SLC37A2: variants seen among roughly 807,000 people sequenced by gnomAD.
SLC37A2 encodes glucose-6-phosphate exchanger SLC37A2.
In SLC37A2, 59 loss-of-function variants were observed where a neutral mutation model predicts 70.7. The observed-to-expected ratio is 0.83, with a 90% CI of 0.68 to 1.04. SLC37A2 has a LOEUF of 1.04. SLC37A2 is among the 50% of genes least tolerant of loss of function. The pLI is 0.00. For missense variants in SLC37A2, 580 were observed against 658.1 expected, an observed-to-expected ratio of 0.88 and a Z score of 1.30; for synonymous variants, 257 against 262.1, an observed-to-expected ratio of 0.98 and a Z score of 0.19.
At position 125,082,138 on chromosome 11, in the gene SLC37A2, G is replaced by A. The variant is rs1949157528; in HGVS notation, c.886-106G>A. On this transcript the variant is annotated intron_variant, in intron 9 of 17. Coordinates refer to ENST00000403796, the MANE Select transcript of SLC37A2 (RefSeq NM_001145290.2). ...GGATGTGTTGGAGGCTGCCTTGTGT[G>A]GCAGGTGATGGAAAGTACTGGGGTG... 25 of 1,144,994 alleles carry A rather than the reference G, an allele frequency of 2.2e-5. No individual in the cohort carries two copies. The South Asian group carries it at 3.1e-4, about 14-fold the overall frequency. 70.9% of individuals were successfully genotyped at this position (1,144,994 alleles called of 1,614,324 possible). A position where few individuals can be genotyped will look rare whatever the true frequency, so the allele number is the denominator to read the frequency against.
At chr11:125,079,616 G>A (rs759266700) in intron 5 of SLC37A2, 68 bp from the exon 6 acceptor site, 1 of 1,274,620 alleles carries the variant, frequency 7.8e-7, no homozygotes, top group South Asian at 1.3e-5. Context: ...TCAGCCCAGG[G>A]TGGTCAGAGC....
chr11:125,075,593 A>G (rs530626637), intron 1 of SLC37A2, among the ~76,000 whole-genome samples: 1 of 152,358 alleles, frequency 6.6e-6, no homozygotes, highest in African/African-American at 2.4e-5. Context: ...GAGCAACTTC[A>G]GTCTCTCAAG....
chr11:125,088,266 A>T lies in SLC37A2; in HGVS notation c.*132A>T. ...TATTGAACATTAGCCAGCCCAGCCCAGACCCCAGGGCTGCCTAAGGACACA... is the reference window on the plus strand; with the variant it reads ...TATTGAACATTAGCCAGCCCAGCCCTGACCCCAGGGCTGCCTAAGGACACA... On this transcript the variant is annotated 3_prime_UTR_variant, in exon 18 of 18. Transcript: ENST00000403796. 8 of 1,041,304 alleles carry T rather than the reference A, an allele frequency of 7.7e-6. No individual in the cohort carries two copies. Among genetic ancestry groups the T allele is most frequent in the South Asian group, 1.4e-5 (1 of 69,510 alleles). The allele number at this position is 1,041,304 out of a possible 1,614,324, so 64.5% of individuals were successfully genotyped here. A position where few individuals can be genotyped will look rare whatever the true frequency, so the allele number is the denominator to read the frequency against.
intron 9 of SLC37A2, 43 bp downstream of exon 9, chr11:125,081,949 A>G: frequency 3.2e-6 from 5 of 1,557,324 alleles, no homozygotes; most frequent in Non-Finnish European, 4.3e-6. Flanking sequence ...GGCTTTCCAG[A>G]TTTTTTCTGT....
At position 125,088,518 on chromosome 11, in the gene SLC37A2, A is replaced by T; in HGVS notation, c.*384A>T. ...ATCTCTCCTTCCCATGTTAAGCTTT[A>T]ACCTCTGTAATCTGCCTGTATCTAT... On this transcript the variant is annotated 3_prime_UTR_variant, in exon 18 of 18. Coordinates refer to ENST00000403796, the MANE Select transcript of SLC37A2 (RefSeq NM_001145290.2). 1 of 200,228 alleles carries T rather than the reference A, an allele frequency of 5.0e-6. No homozygotes were observed. The allele number at this position is 200,228 out of a possible 1,614,324, so 12.4% of individuals were successfully genotyped here.
At chr11:125,066,145 C>T (rs184350136) in intron 1 of SLC37A2, among the ~76,000 whole-genome samples, 3 of 152,352 alleles carry the variant, frequency 2.0e-5, no homozygotes, top group East Asian at 1.9e-4. Flanking sequence ...TCCACTAGTA[C>T]GTTCTTAATG....
chr11:125,085,155 T>A lies in SLC37A2; in HGVS notation c.1248+16T>A. The A allele has an allele frequency of 6.2e-7, 1 of 1,612,050 alleles. No individual in the cohort carries two copies. The highest frequency in any genetic ancestry group is 2.2e-5 in the East Asian group (1 of 44,882). ...TGCTGATCTGGTGAGTGGGGCCACC[T>A]CCCGAGGGCCAGGGACCGTTCTGGG... On this transcript the variant is annotated intron_variant, in intron 14 of 17. Transcript: ENST00000403796.
intron 12 of SLC37A2, 151 bp downstream of exon 12, chr11:125,084,470 C>T (rs934055436): frequency 1.2e-5 from 10 of 834,448 alleles, no homozygotes; most frequent in South Asian, 9.8e-5. Context: ...GGAGGAGAAG[C>T]GAGGGTCAGC....
At chr11:125,074,642 G>A (rs1051478723) in intron 1 of SLC37A2, among the ~76,000 whole-genome samples, 3 of 152,046 alleles carry the variant, frequency 2.0e-5, no homozygotes, top group African/African-American at 7.2e-5. Flanking sequence ...AGGGGAAAGG[G>A]TGCTGGCAGC....
intron 1 of SLC37A2, among the ~76,000 whole-genome samples, chr11:125,064,768 G>C (rs539657471): frequency 3.3e-5 from 5 of 152,112 alleles, no homozygotes; most frequent in African/African-American, 4.8e-5. Context: ...TGTTATAATC[G>C]GTTCAAAAGA....
In SLC37A2 at chr11:125,063,872, C is replaced by T. The variant is rs546386370; in HGVS notation, c.59+446C>T. Among the ~76,000 whole-genome samples the T allele has an allele frequency of 1.3e-5, 2 of 152,294 alleles. No homozygotes were observed. Among genetic ancestry groups the T allele is most frequent in the East Asian group, 1.9e-4 (1 of 5,166 alleles). On this transcript the variant is annotated intron_variant, in intron 1 of 17. Coordinates refer to ENST00000403796, the MANE Select transcript of SLC37A2 (RefSeq NM_001145290.2). The surrounding 1 kb of genome is among the most constrained non-coding windows in gnomAD (Gnocchi z 5.4). ...GAGTGTCCCTCTTGGTCTCCTTTAG[C>T]CCTCGAACACCAAGGCCAGAACTCA...
intron 16 of SLC37A2, 57 bp from the exon 17 acceptor site, chr11:125,085,897 A>C (rs1448828730): frequency 6.6e-7 from 1 of 1,511,788 alleles, no homozygotes; most frequent in African/African-American, 1.4e-5. Context: ...GGTGCTGGGC[A>C]CTCAGTGCTC....
chr11:125,079,808 G>A, intron 6 of SLC37A2, 48 bp downstream of exon 6: 2 of 1,432,960 alleles, frequency 1.4e-6, no homozygotes, highest in Non-Finnish European at 1.9e-6. Flanking sequence ...GAGGGCTGGG[G>A]GTCCTGAGCT....
intron 17 of SLC37A2, chr11:125,086,280 C>CCA (rs1949214452): frequency 6.3e-7 from 1 of 1,583,974 alleles, no homozygotes; most frequent in Non-Finnish European, 8.7e-7. Flanking sequence ...TACTTCGAGT[C>CCA]TGTGACTCGA....
At chr11:125,073,477 A>G (rs983406409) in intron 1 of SLC37A2, among the ~76,000 whole-genome samples, 1 of 152,204 alleles carries the variant, frequency 6.6e-6, no homozygotes, top group African/African-American at 2.4e-5. Flanking sequence ...CCCCTAACAG[A>G]GCAGTGTGGG....
intron 1 of SLC37A2, among the ~76,000 whole-genome samples, chr11:125,070,742 C>A (rs1041204717): frequency 6.6e-6 from 1 of 152,206 alleles, no homozygotes; most frequent in Non-Finnish European, 1.5e-5. Context: ...CTCCGGCCCC[C>A]CAGAAGGGGC....
chr11:125,077,027 G>T (rs370981794), intron 2 of SLC37A2, among the ~76,000 whole-genome samples, 189 bp downstream of exon 2: 1 of 152,188 alleles, frequency 6.6e-6, no homozygotes, highest in African/African-American at 2.4e-5. Context: ...TGGAATAAGC[G>T]TGCAGGGCCC....
At chr11:125,068,332 A>G (rs1949000508) in intron 1 of SLC37A2, among the ~76,000 whole-genome samples, 1 of 152,248 alleles carries the variant, frequency 6.6e-6, no homozygotes, top group Admixed American at 6.5e-5. Context: ...GGTACTCAAC[A>G]GGTATCCTTT....
intron 1 of SLC37A2, among the ~76,000 whole-genome samples, chr11:125,070,824 T>C (rs1949022804): frequency 1.3e-5 from 2 of 152,184 alleles, no homozygotes; most frequent in Non-Finnish European, 2.9e-5. Flanking sequence ...TTTTTGGGCT[T>C]CCTCTTCCAC....
Sources: allele counts gnomAD v4.1 joint callset (sites outside exome capture counted in the v4.1 genomes callset), GRCh38; gene constraint gnomAD v4.1.1; non-coding constraint Gnocchi (gnomAD v3.1); transcripts MANE v1.5; gene names NCBI Gene and HGNC (gene_info 2026-07-23, HGNC 2026-07-21).